The following ADAM12 variants were observed in gnomAD, a reference collection of about 807,000 sequenced individuals.
ADAM12 encodes ADAM metallopeptidase domain 12.
A neutral mutation model predicts 106.4 loss-of-function variants in ADAM12; 70 were observed. The observed-to-expected ratio is 0.66, with a 90% CI of 0.54 to 0.80. The LOEUF (loss-of-function observed/expected upper bound fraction) is 0.80, where lower values mean the gene tolerates loss of function less well. Ranked by LOEUF, ADAM12 falls within the 30% of genes least tolerant of loss-of-function variation. The pLI is 0.00. For synonymous variants in ADAM12, 420 were observed against 433.5 expected, an observed-to-expected ratio of 0.97 and a Z score of 0.39; for missense variants, 1,010 against 1,171.9, an observed-to-expected ratio of 0.86 and a Z score of 2.02.
chr10:126,353,403 C>T (rs1293570704), intron 1 of ADAM12, among the ~76,000 whole-genome samples: 2 of 152,106 alleles, frequency 1.3e-5, no homozygotes, highest in Non-Finnish European at 1.5e-5. Flanking sequence ...GAGAAAGGAG[C>T]CAAGGCTGAA....
At chr10:126,271,315 CT>C (rs945654508) in intron 3 of ADAM12, among the ~76,000 whole-genome samples, 9 of 152,224 alleles carry the variant, frequency 5.9e-5, no homozygotes, top group Non-Finnish European at 1.2e-4. Context: ...TCATCATGTT[CT>C]GTCCATTCTG....
intron 3 of ADAM12, among the ~76,000 whole-genome samples, chr10:126,168,060 T>A (rs1423934165): frequency 1.3e-5 from 2 of 152,222 alleles, no homozygotes; most frequent in Non-Finnish European, 2.9e-5. Flanking sequence ...TCTTGGTTGA[T>A]TATTTTAAGG....
Position 126,312,129 on chromosome 10 carries a change from T to TG in ADAM12, c.186+18282dup, listed in dbSNP as rs879196472. 5.1e-3 allele frequency among the ~76,000 whole-genome samples: 321 copies of TG among 63,464 alleles called. 11 individuals carry two copies. Among genetic ancestry groups the TG allele is most frequent in the South Asian group, 0.015 (31 of 2,112 alleles). 41.6% of individuals were successfully genotyped at this position (63,464 alleles called of 152,430 possible). A position where few individuals can be genotyped will look rare whatever the true frequency, so the allele number is the denominator to read the frequency against. On this transcript the variant is annotated intron_variant, in intron 2 of 22. Transcript: ENST00000448723. ...TCCAAAGTTGGAGAATTGGTTGGTG[T>TG]GGAAAAAAAAAAAAAAAAAAAAACC...
intron 2 of ADAM12, among the ~76,000 whole-genome samples, chr10:126,326,270 T>C (rs1215183155): frequency 4.0e-5 from 6 of 151,776 alleles, no homozygotes; most frequent in African/African-American, 1.5e-4. Context: ...TCTCAACAAC[T>C]GGAGGTTGAA....
intron 3 of ADAM12, among the ~76,000 whole-genome samples, chr10:126,217,229 T>A (rs1958003148): frequency 6.6e-6 from 1 of 152,132 alleles, no homozygotes; most frequent in Admixed American, 6.5e-5. Flanking sequence ...TTTGAAAAGA[T>A]GAACTAAAGT....
At chr10:126,248,677 GTATGTATGTATT>G (rs1341118114) in intron 3 of ADAM12, among the ~76,000 whole-genome samples, 86 of 31,638 alleles carry the variant, frequency 2.7e-3, no homozygotes, top group Admixed American at 0.01. Context: ...ATGTATGTAT[GTATGTATGTATT>G]TATTTATTTA....
At chr10:126,387,230 A>G (rs1856695600) in intron 1 of ADAM12, among the ~76,000 whole-genome samples, 1 of 152,226 alleles carries the variant, frequency 6.6e-6, no homozygotes, top group African/African-American at 2.4e-5. Flanking sequence ...CGGATTTTTA[A>G]AAAGGCACCT....
intron 2 of ADAM12, among the ~76,000 whole-genome samples, chr10:126,319,961 AGACACGTGTTTC>A (rs1439732217): frequency 6.6e-6 from 1 of 152,180 alleles, no homozygotes; most frequent in Non-Finnish European, 1.5e-5. Flanking sequence ...TAGTCTTGGG[AGACACGTGTTTC>A]CTTTTGACCA....
At chr10:126,267,738 G>A (rs34922626) in intron 3 of ADAM12, among the ~76,000 whole-genome samples, 34,676 of 151,828 alleles carry the variant, frequency 0.23, 4,133 homozygotes, top group South Asian at 0.31. Context: ...GGGAGAGCAC[G>A]TCAGAGAAGG....
intron 2 of ADAM12, among the ~76,000 whole-genome samples, chr10:126,282,244 C>A (rs1008710631): frequency 2.0e-5 from 3 of 152,094 alleles, no homozygotes; most frequent in African/African-American, 7.2e-5. Context: ...AGATTAGGGG[C>A]CACACATATG....
chr10:126,068,339 A>G (rs1293027825), intron 12 of ADAM12, among the ~76,000 whole-genome samples: 1 of 152,208 alleles, frequency 6.6e-6, no homozygotes, highest in African/African-American at 2.4e-5. Context: ...TCCATGTTAA[A>G]TCAGCCATCC....
chr10:126,174,268 T>C (rs936711589), intron 3 of ADAM12, among the ~76,000 whole-genome samples: 3 of 151,824 alleles, frequency 2.0e-5, no homozygotes, highest in African/African-American at 7.3e-5. Context: ...ATAAGTGATA[T>C]ACACCATGGC....
chr10:126,343,168 TCCCTCCC>T (rs1289293221), intron 1 of ADAM12, among the ~76,000 whole-genome samples: 1 of 133,944 alleles, frequency 7.5e-6, no homozygotes, highest in African/African-American at 2.7e-5. Context: ...CCTAATGCTA[TCCCTCCC>T]CCCTCCCCCC....
intron 3 of ADAM12, among the ~76,000 whole-genome samples, chr10:126,218,367 T>G (rs1958028238): frequency 6.6e-6 from 1 of 152,238 alleles, no homozygotes; most frequent in Non-Finnish European, 1.5e-5. Flanking sequence ...GGTATTCTTA[T>G]GCCCATTTTG....
intron 6 of ADAM12, among the ~76,000 whole-genome samples, chr10:126,113,716 AT>A (rs1370533928): frequency 0.011 from 906 of 83,150 alleles, 71 homozygotes; most frequent in East Asian, 0.049. Context: ...ATATATATAT[AT>A]ATATATATAT....
At chr10:126,104,061 C>G (rs189390647) in intron 8 of ADAM12, among the ~76,000 whole-genome samples, 4 of 152,322 alleles carry the variant, frequency 2.6e-5, no homozygotes, top group Admixed American at 6.5e-5. Context: ...GCGGAATCCC[C>G]TGGGGTCTAA....
intron 3 of ADAM12, among the ~76,000 whole-genome samples, chr10:126,209,661 G>C (rs1033533752): frequency 1.2e-4 from 18 of 152,304 alleles, no homozygotes; most frequent in African/African-American, 4.1e-4. Flanking sequence ...TCTGTCAGCA[G>C]CTATTTTTAG....
chr10:126,209,801 C>T (rs1957865826), intron 3 of ADAM12, among the ~76,000 whole-genome samples: 1 of 152,088 alleles, frequency 6.6e-6, no homozygotes, highest in Non-Finnish European at 1.5e-5. Context: ...TTTCCTTTAC[C>T]GTAACTCCCA....
At chr10:126,242,293 A>C (rs1958542516) in intron 3 of ADAM12, among the ~76,000 whole-genome samples, 1 of 152,170 alleles carries the variant, frequency 6.6e-6, no homozygotes, top group Non-Finnish European at 1.5e-5. Context: ...TTGACATTTT[A>C]AGGAACTCCT....
Sources: allele counts gnomAD v4.1 joint callset (sites outside exome capture counted in the v4.1 genomes callset), GRCh38; gene constraint gnomAD v4.1.1; transcripts MANE v1.5; gene names NCBI Gene and HGNC (gene_info 2026-07-23, HGNC 2026-07-21).